Variants in ZGRF1 observed in about 807,000 individuals in gnomAD.
The protein encoded by ZGRF1 is 5'-3' DNA helicase ZGRF1.
ZGRF1 carries 196 observed loss-of-function variants against 203.5 expected under a neutral mutation model. The ratio of observed to expected loss-of-function variants is 0.96; its 90% CI spans 0.86 to 1.08. ZGRF1 has a LOEUF of 1.08. Ranked by LOEUF, ZGRF1 falls within the 50% of genes least tolerant of loss-of-function variation. ZGRF1 has a pLI of 0.00. For missense variants in ZGRF1, 2,326 were observed against 2,416.3 expected (o/e 0.96, Z 0.78); for synonymous variants, 809 against 841.3 (o/e 0.96, Z 0.66).
chr4:112,588,002 G>A (rs1578373239), intron 11 of ZGRF1, 73 bp from the exon 12 acceptor site: 3 of 1,069,206 alleles, frequency 2.8e-6, no homozygotes, highest in South Asian at 2.4e-5. Context: ...AAAACAGTGG[G>A]TATACAAAAG....
intron 6 of ZGRF1, among the ~76,000 whole-genome samples, chr4:112,616,972 A>G (rs992505268): frequency 3.3e-5 from 5 of 152,112 alleles, no homozygotes; most frequent in Admixed American, 1.3e-4. Context: ...CCAAAAATGA[A>G]TAAGAATAGA....
chr4:112,616,324 A>T (rs2046867290), intron 6 of ZGRF1, among the ~76,000 whole-genome samples: 1 of 150,784 alleles, frequency 6.6e-6, no homozygotes, highest in African/African-American at 2.4e-5. Flanking sequence ...GTTCAAGACC[A>T]ACGTGGCCAA....
chr4:112,586,636 C>A, intron 12 of ZGRF1, 53 bp from the exon 13 acceptor site: 2 of 1,283,410 alleles, frequency 1.6e-6, no homozygotes, highest in South Asian at 3.6e-5. Flanking sequence ...ATACTGTTTA[C>A]TAAAGAGTAA....
rs1333936330 is a variant in ZGRF1 at position 112,618,502 on chromosome 4, TAA to T, written c.1538_1539del (p.Leu513GlnfsTer2). The part of the protein sequence containing the change: ...ISESKMDNES[L>X]NSIHESLSNV... Reference sequence around the variant, plus strand: ...TTACTCAGAGATTCATGAATACTATTAAGACTTTCATTATCCATTTTACTTTC... The same window carrying T: ...TTACTCAGAGATTCATGAATACTATTGACTTTCATTATCCATTTTACTTTC... On this transcript the variant is annotated frameshift_variant, in exon 6 of 28. Transcript: ENST00000505019. LOFTEE classifies it high-confidence loss of function. 1 of 1,612,994 alleles carries T rather than the reference TAA, an allele frequency of 6.2e-7. No individual in the cohort carries two copies. Among genetic ancestry groups the T allele is most frequent in the South Asian group, 1.1e-5 (1 of 91,038 alleles).
At chr4:112,605,818 GA>G (rs1160169499) in intron 9 of ZGRF1, 189 bp downstream of exon 9, 1 of 553,612 alleles carries the variant, frequency 1.8e-6, no homozygotes, top group Non-Finnish European at 3.2e-6. Context: ...GTAGTATAGA[GA>G]AAGTTTAAGA....
At chr4:112,565,613 T>C (rs6849212) in intron 16 of ZGRF1, among the ~76,000 whole-genome samples, 60,596 of 151,692 alleles carry the variant, frequency 0.4, 12,375 homozygotes, top group South Asian at 0.49. Context: ...AAAGGGCTAA[T>C]ATCCAGAATC....
chr4:112,602,299 G>C (rs193125057), intron 10 of ZGRF1, among the ~76,000 whole-genome samples: 1 of 151,828 alleles, frequency 6.6e-6, no homozygotes, highest in Admixed American at 6.6e-5. Context: ...CTCACTATCA[G>C]GCAGGAAAAT....
intron 16 of ZGRF1, among the ~76,000 whole-genome samples, chr4:112,576,270 C>G (rs1385832428): frequency 6.6e-6 from 1 of 152,156 alleles, no homozygotes; most frequent in Non-Finnish European, 1.5e-5. Context: ...AACCAAAACC[C>G]CATCTGTACG....
At chr4:112,564,679 GTTTAA>G (rs1742670772) in intron 16 of ZGRF1, among the ~76,000 whole-genome samples, 2 of 151,852 alleles carry the variant, frequency 1.3e-5, no homozygotes, top group Admixed American at 6.6e-5. Flanking sequence ...TGTATTACTT[GTTTAA>G]TTTTTTTTCC....
chr4:112,615,467 G>A (rs968715758), intron 6 of ZGRF1, among the ~76,000 whole-genome samples: 2 of 151,604 alleles, frequency 1.3e-5, no homozygotes, highest in African/African-American at 2.4e-5. Context: ...CTGGTGATCC[G>A]CCCACATCGG....
intron 10 of ZGRF1, among the ~76,000 whole-genome samples, chr4:112,602,028 A>G (rs1354429531): frequency 6.6e-6 from 1 of 152,130 alleles, no homozygotes; most frequent in Non-Finnish European, 1.5e-5. Context: ...AACATGGAGA[A>G]ACCCCATCTC....
At position 112,541,062 on chromosome 4, in the gene ZGRF1, T is replaced by A. The variant is rs1484135735; in HGVS notation, c.5775+30A>T. The A allele has an allele frequency of 1.0e-5, 16 of 1,555,958 alleles. No homozygotes were observed. In the Admixed American group the frequency reaches 1.9e-4, roughly 19 times the overall value. On this transcript the variant is annotated intron_variant, in intron 25 of 27. Transcript: ENST00000505019. ...AATTAAACCAGGAACCTAAACCATG[T>A]TGACTCTCATCAACATTAATGTCAT...
At chr4:112,630,454 G>C (rs150499590) in intron 3 of ZGRF1, among the ~76,000 whole-genome samples, 3,870 of 152,230 alleles carry the variant, frequency 0.025, 151 homozygotes, top group East Asian at 0.18. Flanking sequence ...GGAGGCAGAG[G>C]CTTCAGGGAG....
At chr4:112,630,765 C>G (rs915952060) in intron 3 of ZGRF1, among the ~76,000 whole-genome samples, 1 of 151,836 alleles carries the variant, frequency 6.6e-6, no homozygotes, top group African/African-American at 2.4e-5. Flanking sequence ...GTGGTGGCAC[C>G]TGTAGTCCCA....
intron 16 of ZGRF1, among the ~76,000 whole-genome samples, chr4:112,563,866 G>A (rs1372665247): frequency 6.6e-6 from 1 of 152,182 alleles, no homozygotes; most frequent in Non-Finnish European, 1.5e-5. Flanking sequence ...ATGGTGCAAA[G>A]GGGCCAAGGC....
At position 112,587,494 on chromosome 4, in the gene ZGRF1, T is replaced by A; in HGVS notation, c.3563A>T (p.Gln1188Leu). ...GMHFRDTSER[Q>L]SDAVNESSLD... ...AGAGCTTTCATTGACAGCATCACTC[T>A]GTCTTTCACTTGTGTCTCTAAAATG... Residue 1188 changes from glutamine (Q) to leucine (L), a missense_variant, in exon 12 of 28, where the codon CAG (glutamine) becomes CTG (leucine). Transcript: ENST00000505019. 6.2e-7 allele frequency: 1 copy of A among 1,611,662 alleles called. No homozygotes were observed. Among genetic ancestry groups the A allele is most frequent in the East Asian group, 2.2e-5 (1 of 44,880 alleles).
At chr4:112,582,914 A>G (rs145581543) in intron 15 of ZGRF1, among the ~76,000 whole-genome samples, 4,274 of 152,276 alleles carry the variant, frequency 0.028, 95 homozygotes, top group Middle Eastern at 0.095. Flanking sequence ...GGTTGATTCC[A>G]TATCTTGGCT....
chr4:112,553,119 C>T (rs1740267037), intron 22 of ZGRF1, among the ~76,000 whole-genome samples: 1 of 152,218 alleles, frequency 6.6e-6, no homozygotes, highest in South Asian at 2.1e-4. Flanking sequence ...GACTCATTTT[C>T]TCAACTCTCT....
chr4:112,541,271 A>G lies in ZGRF1; in HGVS notation c.5599-3T>C. 6.7e-7 allele frequency: 1 copy of G among 1,492,056 alleles called. No homozygotes were observed. Among genetic ancestry groups the G allele is most frequent in the Non-Finnish European group, 9.0e-7 (1 of 1,106,622 alleles). 92.4% of individuals were successfully genotyped at this position (1,492,056 alleles called of 1,614,324 possible). On this transcript the variant is annotated splice_region_variant and splice_polypyrimidine_tract_variant and intron_variant, in intron 24 of 27. Coordinates refer to ENST00000505019, the MANE Select transcript of ZGRF1 (RefSeq NM_018392.5). ...CTCAATAGAATTGGCTTGTGACCCT[A>G]AGAAATTTAAATGAAGAAAAATAAA...
Sources: gnomAD v4.1 joint callset for allele counts (sites outside exome capture counted in the v4.1 genomes callset) on GRCh38, gnomAD v4.1.1 for gene constraint, MANE v1.5 for transcripts, NCBI Gene and HGNC (gene_info 2026-07-23, HGNC 2026-07-21) for gene names.